The following KYAT3 variants were observed in gnomAD, a reference collection of about 807,000 sequenced individuals.
The protein encoded by KYAT3 is kynurenine--oxoglutarate transaminase 3.
A neutral mutation model predicts 59.0 loss-of-function variants in KYAT3; 50 were observed. The observed-to-expected ratio is 0.85, with a 90% CI of 0.68 to 1.07. The LOEUF (loss-of-function observed/expected upper bound fraction) is 1.07, where lower values mean the gene tolerates loss of function less well. Among genes scored for constraint, KYAT3 ranks in the 50% least tolerant of loss-of-function variants. The pLI, the probability that KYAT3 is intolerant of heterozygous loss-of-function variation, is 0.00. For synonymous variants in KYAT3, 148 were observed against 177.0 expected, an observed-to-expected ratio of 0.84 and a Z score of 1.30; for missense variants, 497 against 533.3, an observed-to-expected ratio of 0.93 and a Z score of 0.67.
rs1348233490 is a variant in KYAT3, at chr1:88,952,919, A to G, written c.954+144T>C. On this transcript the variant is annotated intron_variant, in intron 10 of 13. Transcript: ENST00000260508. The stretch of plus-strand genomic sequence containing the variant: ...CCATGCTTGATAACAGTGAATATGT[A>G]TCTGCTCCCCAAATTCCAAATTATA... 4 of 573,400 alleles carry G rather than the reference A, an allele frequency of 7.0e-6. No homozygotes were observed. In the South Asian group the frequency reaches 7.2e-5, roughly 10 times the overall value. 35.5% of individuals were successfully genotyped at this position (573,400 alleles called of 1,614,324 possible).
chr1:88,966,900 G>C (rs1261159616), intron 4 of KYAT3, among the ~76,000 whole-genome samples: 1 of 151,920 alleles, frequency 6.6e-6, no homozygotes, highest in African/African-American at 2.4e-5. Context: ...TATAAATGAG[G>C]GTTGAATTTT....
At chr1:88,938,916 T>C (rs1675134356) in intron 13 of KYAT3, among the ~76,000 whole-genome samples, 1 of 152,188 alleles carries the variant, frequency 6.6e-6, no homozygotes, top group South Asian at 2.1e-4. Flanking sequence ...TGAATATAAG[T>C]CATTCGAAAT....
At chr1:88,958,795 G>GA (rs1404194739) in intron 8 of KYAT3, among the ~76,000 whole-genome samples, 4 of 152,130 alleles carry the variant, frequency 2.6e-5, no homozygotes, top group African/African-American at 4.8e-5. Flanking sequence ...TTACTTTCAG[G>GA]ATGGAATTCA....
At chr1:88,982,808 C>T (rs1677168276) in intron 2 of KYAT3, 1 of 1,613,842 alleles carries the variant, frequency 6.2e-7, no homozygotes, top group Admixed American at 1.7e-5. Context: ...TCTGCCAACC[C>T]TGTCACAACT....
rs764430634 is a variant in KYAT3, at chr1:88,964,836, C to A, written c.446G>T (p.Gly149Val). 1.3e-6 allele frequency: 2 copies of A among 1,591,028 alleles called. No individual in the cohort carries two copies. Among genetic ancestry groups the A allele is most frequent in the South Asian group, 2.3e-5 (2 of 86,734 alleles). Reference protein sequence around the residue: ...FNTIQALIDEGDEVILIVPFY... With the variant: ...FNTIQALIDEVDEVILIVPFY... ...TAATGTTAATATACTTACTTCATCTCCCTCATCAATTAATGCTTGAATGGT... is the reference window on the plus strand; with the variant it reads ...TAATGTTAATATACTTACTTCATCTACCTCATCAATTAATGCTTGAATGGT... Residue 149 changes from glycine (G) to valine (V), a missense_variant, in exon 5 of 14, where the codon GGA (glycine) becomes GTA (valine). By Grantham distance (109) the Gly-to-Val change is moderately radical. This residue lies in a region of KYAT3 where 469 missense variants were observed against 479.1 expected (regional missense o/e 0.98). Transcript: ENST00000260508.
intron 2 of KYAT3, among the ~76,000 whole-genome samples, chr1:88,973,815 A>C (rs1676652675): frequency 6.6e-6 from 1 of 152,218 alleles, no homozygotes; most frequent in Admixed American, 6.5e-5. Flanking sequence ...TGTTGAACCC[A>C]TGATCTTAAG....
chr1:88,966,659 A>G (rs1676362531), intron 4 of KYAT3, among the ~76,000 whole-genome samples: 1 of 151,940 alleles, frequency 6.6e-6, no homozygotes, highest in Non-Finnish European at 1.5e-5. Flanking sequence ...GTACACAATC[A>G]TGTTTTCTGA....
intron 2 of KYAT3, among the ~76,000 whole-genome samples, 175 bp downstream of exon 2, chr1:88,988,077 C>A (rs944258541): frequency 6.6e-6 from 1 of 152,160 alleles, no homozygotes; most frequent in African/African-American, 2.4e-5. Flanking sequence ...CACAGACAGG[C>A]AAGCAGTTGC....
At chr1:88,935,416 T>C (rs1674999280), downstream of KYAT3, among the ~76,000 whole-genome samples, 1 of 149,656 alleles carries the variant, frequency 6.7e-6, no homozygotes, top group Non-Finnish European at 1.5e-5. Context: ...ACAGCAACAA[T>C]GAGCTGGAAG....
In KYAT3 at chr1:88,964,951, A is replaced by G. The variant is rs372661317; in HGVS notation, c.331T>C (p.Ser111Pro). Residue 111 changes from serine to proline, a missense_variant, in exon 5 of 14, where the codon TCC (serine) becomes CCC (proline). Physicochemically the swap from Ser to Pro is moderately conservative, Grantham distance 74 (BLOSUM62 -1). Around this residue, in one of 2 missense-constraint regions of KYAT3, gnomAD observed 469 missense variants for 479.1 expected, o/e 0.98. Coordinates refer to ENST00000260508, the MANE Select transcript of KYAT3 (RefSeq NM_001008661.3). ...FGHPSLVKAL[S>P]YLYEKLYQKQ... ...TGATAAAGCTTTTCATACAGATAGGACAGAGCTTTCACAAGTGATGGATGG... is the reference window on the plus strand; with the variant it reads ...TGATAAAGCTTTTCATACAGATAGGGCAGAGCTTTCACAAGTGATGGATGG... The G allele has an allele frequency of 1.9e-6, 3 of 1,604,488 alleles. No individual in the cohort carries two copies. In the African/African-American group the frequency reaches 4.0e-5, roughly 22 times the overall value.
downstream of KYAT3, among the ~76,000 whole-genome samples, chr1:88,931,880 CAAAAAAAAAAAAAA>C (rs57089214): frequency 3.2e-4 from 10 of 30,976 alleles, no homozygotes; most frequent in South Asian, 2.9e-3. Context: ...CCTGCAACTG[CAAAAAAAAAAAAAA>C]AAAAAAAAAA....
At chr1:88,981,201 A>AG (rs1677068981) in intron 2 of KYAT3, 1 of 152,248 alleles carries the variant, frequency 6.6e-6, no homozygotes, top group African/African-American at 2.4e-5. Context: ...GTTACTTTCC[A>AG]GATGTCACTC....
At chr1:88,962,729 C>T (rs1310362718) in intron 5 of KYAT3, among the ~76,000 whole-genome samples, 1 of 152,128 alleles carries the variant, frequency 6.6e-6, no homozygotes, top group Non-Finnish European at 1.5e-5. Context: ...AAACTCCTAA[C>T]CTCAGGTGAT....
chr1:88,975,298 C>T (rs1025703210), intron 2 of KYAT3, among the ~76,000 whole-genome samples: 3 of 152,154 alleles, frequency 2.0e-5, no homozygotes, highest in East Asian at 1.9e-4. Context: ...ACTACCGGCA[C>T]GTGCCACCAT....
the KYAT3 span, among the ~76,000 whole-genome samples, chr1:88,921,936 T>G: frequency 6.6e-6 from 1 of 152,204 alleles, no homozygotes; most frequent in Non-Finnish European, 1.5e-5. Flanking sequence ...ATTTAAATAT[T>G]AATCTCATCA....
intron 13 of KYAT3, 150 bp from the exon 14 acceptor site, chr1:88,936,395 C>T: frequency 5.0e-6 from 3 of 596,258 alleles, no homozygotes; most frequent in Non-Finnish European, 8.9e-6. Context: ...AAAAGCAGAA[C>T]CCAAAACAGG....
chr1:88,948,945 A>G (rs1203130192), intron 11 of KYAT3, 146 bp downstream of exon 11: 3 of 575,818 alleles, frequency 5.2e-6, no homozygotes, highest in Non-Finnish European at 5.7e-6. Context: ...AAAGATAATT[A>G]TAGAAAATGT....
intron 9 of KYAT3, among the ~76,000 whole-genome samples, chr1:88,954,263 G>A (rs931973229): frequency 2.0e-5 from 3 of 152,132 alleles, no homozygotes; most frequent in Admixed American, 6.5e-5. Flanking sequence ...GTTTTAACTG[G>A]ATAAATTATT....
intron 4 of KYAT3, 114 bp from the exon 5 acceptor site, chr1:88,965,092 T>G: frequency 2.7e-6 from 2 of 747,246 alleles, no homozygotes; most frequent in Non-Finnish European, 4.2e-6. Flanking sequence ...ATGTTTATAA[T>G]TACCCCAAGA....
Sources: gnomAD v4.1 joint callset for allele counts (sites outside exome capture counted in the v4.1 genomes callset) on GRCh38, gnomAD v4.1.1 for gene constraint, gnomAD v4.1.1 regional missense constraint, MANE v1.5 for transcripts, NCBI Gene and HGNC (gene_info 2026-07-23, HGNC 2026-07-21) for gene names.